The following AGTPBP1 variants were observed in gnomAD, a reference collection of about 807,000 sequenced individuals.
The protein encoded by AGTPBP1 is cytosolic carboxypeptidase 1.
In AGTPBP1, 70 loss-of-function variants were observed where a neutral mutation model predicts 143.9. That is an observed-to-expected ratio of 0.49 (90% CI 0.40 to 0.59). The LOEUF (loss-of-function observed/expected upper bound fraction) is 0.59. AGTPBP1 is among the 20% of genes least tolerant of loss of function. The pLI is 0.00. For synonymous variants in AGTPBP1, 463 were observed against 500.2 expected, an observed-to-expected ratio of 0.93 and a Z score of 0.99; for missense variants, 1,229 against 1,464.5, an observed-to-expected ratio of 0.84 and a Z score of 2.62.
upstream of AGTPBP1, among the ~76,000 whole-genome samples, chr9:85,743,572 G>C (rs1004267732): frequency 6.6e-6 from 1 of 152,104 alleles, no homozygotes; most frequent in Non-Finnish European, 1.5e-5. Flanking sequence ...CTAATGTGAC[G>C]TTACACCTTA....
At chr9:85,593,962 T>C (rs1829133107) in intron 18 of AGTPBP1, among the ~76,000 whole-genome samples, 1 of 152,224 alleles carries the variant, frequency 6.6e-6, no homozygotes, top group Non-Finnish European at 1.5e-5. Context: ...TATTTTTTCA[T>C]GCACATAAAT....
At chr9:85,726,277 T>G (rs536228688) in intron 1 of AGTPBP1, among the ~76,000 whole-genome samples, 1 of 151,962 alleles carries the variant, frequency 6.6e-6, no homozygotes, top group Admixed American at 6.5e-5. Flanking sequence ...GTTTACATGT[T>G]GCAACTCAGT....
the AGTPBP1 span, among the ~76,000 whole-genome samples, chr9:85,776,540 A>G: frequency 6.6e-6 from 1 of 152,128 alleles, no homozygotes; most frequent in Non-Finnish European, 1.5e-5. Flanking sequence ...ATACTAAGCG[A>G]CACCCTAATG....
intron 11 of AGTPBP1, among the ~76,000 whole-genome samples, chr9:85,651,082 C>T (rs1018863124): frequency 1.1e-4 from 17 of 152,182 alleles, no homozygotes; most frequent in African/African-American, 4.1e-4. Flanking sequence ...GAGTCTCTTT[C>T]CTTCAACAGG....
intron 23 of AGTPBP1, among the ~76,000 whole-genome samples, chr9:85,584,004 C>A (rs187330955): frequency 9.9e-5 from 15 of 151,576 alleles, no homozygotes; most frequent in Admixed American, 9.2e-4. Context: ...ATGATCCAAG[C>A]AGAAACGACT....
chr9:85,586,629 T>C (rs148730956), intron 22 of AGTPBP1, among the ~76,000 whole-genome samples: 1 of 152,252 alleles, frequency 6.6e-6, no homozygotes, highest in African/African-American at 2.4e-5. Context: ...ATCTAAAAGT[T>C]ACAACCAAGA....
Position 85,669,689 on chromosome 9 carries a change from A to C in AGTPBP1, c.569-111T>G, listed in dbSNP as rs1330478424. The C allele has an allele frequency of 4.8e-6, 3 of 622,370 alleles. No individual in the cohort carries two copies. In the Admixed American group the frequency reaches 8.1e-5, roughly 17 times the overall value. 38.6% of individuals were successfully genotyped at this position (622,370 alleles called of 1,614,324 possible). A position where few individuals can be genotyped will look rare whatever the true frequency, so the allele number is the denominator to read the frequency against. On this transcript the variant is annotated intron_variant, in intron 7 of 25. Coordinates refer to ENST00000357081, the MANE Select transcript of AGTPBP1 (RefSeq NM_001330701.2). ...TATACAAATTGTTTAGTAAATGTCA[A>C]CTCAAGTCACCTTAAAGTCCATCTA...
chr9:85,684,793 T>C (rs925527105), intron 3 of AGTPBP1, among the ~76,000 whole-genome samples: 4 of 152,186 alleles, frequency 2.6e-5, no homozygotes, highest in African/African-American at 7.2e-5. Context: ...ATCTTAATGC[T>C]GTATTCTTTC....
intron 4 of AGTPBP1, among the ~76,000 whole-genome samples, 195 bp from the exon 5 acceptor site, chr9:85,678,593 A>G (rs899859024): frequency 6.6e-6 from 1 of 152,166 alleles, no homozygotes; most frequent in Admixed American, 6.5e-5. Flanking sequence ...ATTTTGAGTT[A>G]TTACTTGTGA....
chr9:85,604,422 C>T (rs550165073), intron 17 of AGTPBP1, among the ~76,000 whole-genome samples: 15 of 152,190 alleles, frequency 9.9e-5, no homozygotes, highest in Non-Finnish European at 1.8e-4. Flanking sequence ...TTGGGTCCCC[C>T]CTAATGCAGA....
chr9:85,797,980 C>A, the AGTPBP1 span, among the ~76,000 whole-genome samples: 1 of 152,094 alleles, frequency 6.6e-6, no homozygotes, highest in Non-Finnish European at 1.5e-5. Context: ...GCAGCCTCCG[C>A]CTCTCAGGTT....
the AGTPBP1 span, among the ~76,000 whole-genome samples, chr9:85,795,555 C>T: frequency 6.6e-6 from 1 of 152,170 alleles, no homozygotes. Context: ...ACTGTAGTGA[C>T]ATACCAATGA....
intron 17 of AGTPBP1, among the ~76,000 whole-genome samples, chr9:85,611,353 CTCT>C (rs1830308132): frequency 6.6e-6 from 1 of 150,940 alleles, no homozygotes; most frequent in African/African-American, 2.4e-5. Flanking sequence ...AAAATCCAAC[CTCT>C]TATTTATGAA....
chr9:85,704,498 A>G (rs1321497758), intron 2 of AGTPBP1, among the ~76,000 whole-genome samples: 3 of 152,262 alleles, frequency 2.0e-5, no homozygotes, highest in African/African-American at 4.8e-5. Context: ...AACACTGGAT[A>G]GAGTACACAC....
chr9:85,781,574 T>A, the AGTPBP1 span, among the ~76,000 whole-genome samples: 2 of 152,308 alleles, frequency 1.3e-5, no homozygotes, highest in African/African-American at 4.8e-5. Context: ...AATGATCAAT[T>A]ATTGATTGTC....
At chr9:85,563,469 G>C (rs182643970) in intron 25 of AGTPBP1, among the ~76,000 whole-genome samples, 7 of 152,270 alleles carry the variant, frequency 4.6e-5, no homozygotes, top group Non-Finnish European at 1.0e-4. Flanking sequence ...AGGATATTTG[G>C]CCAAGGAAAT....
At chr9:85,596,238 A>G (rs1336297166) in intron 18 of AGTPBP1, 124 bp downstream of exon 18, 19 of 642,104 alleles carry the variant, frequency 3.0e-5, no homozygotes, top group Middle Eastern at 8.7e-4. Context: ...GAATTACTAA[A>G]GCATAGCACC....
the AGTPBP1 span, among the ~76,000 whole-genome samples, chr9:85,762,283 A>C: frequency 6.6e-6 from 1 of 152,186 alleles, no homozygotes; most frequent in Non-Finnish European, 1.5e-5. Flanking sequence ...ATATACCCAA[A>C]GGATTATAAA....
chr9:85,737,248 T>C (rs1248383142), intron 1 of AGTPBP1, among the ~76,000 whole-genome samples: 1 of 152,232 alleles, frequency 6.6e-6, no homozygotes, highest in African/African-American at 2.4e-5. Context: ...CATACTGAAT[T>C]ACAATAGTTG....
Sources: allele counts gnomAD v4.1 joint callset (sites outside exome capture counted in the v4.1 genomes callset), GRCh38; gene constraint gnomAD v4.1.1; transcripts MANE v1.5; gene names NCBI Gene and HGNC (gene_info 2026-07-23, HGNC 2026-07-21).